The following DAB1 variants were observed in gnomAD, a reference collection of about 807,000 sequenced individuals.
The protein encoded by DAB1 is disabled homolog 1.
DAB1 carries 15 observed loss-of-function variants against 64.6 expected under a neutral mutation model. The ratio of observed to expected loss-of-function variants is 0.23; its 90% CI spans 0.16 to 0.36. The LOEUF is 0.36. Ranked by LOEUF, DAB1 falls within the 10% of genes least tolerant of loss-of-function variation. The probability of loss-of-function intolerance (pLI) is 1.00; values close to 1 mark genes in which losing one functional copy is unlikely to be tolerated. For missense variants in DAB1, 596 were observed against 706.7 expected (o/e 0.84, Z 1.78); for synonymous variants, 235 against 251.9 (o/e 0.93, Z 0.64).
intron 3 of DAB1, among the ~76,000 whole-genome samples, chr1:58,455,820 CCTT>C: frequency 6.6e-6 from 1 of 152,232 alleles, no homozygotes; most frequent in East Asian, 1.9e-4. Flanking sequence ...AGTGGTGTCT[CCTT>C]CTTTCCTTCC....
intron 4 of DAB1, among the ~76,000 whole-genome samples, chr1:58,313,940 A>G (rs1266890730): frequency 6.6e-6 from 1 of 152,024 alleles, no homozygotes; most frequent in East Asian, 1.9e-4. Flanking sequence ...GAATCATCAC[A>G]TTGGAGATTA....
In DAB1 at chr1:57,546,907, G is replaced by A. The variant is rs558780950; in HGVS notation, n.625+102685C>T. On this transcript the variant is annotated intron_variant and non_coding_transcript_variant, in intron 7 of 20. Coordinates refer to the DAB1 transcript ENST00000485760. Reference sequence around the variant, plus strand: ...TACAGAATGTAAGGATGTTAATAGTGATGGGAGATTATGGGTAATTAAAAT... The same window carrying A: ...TACAGAATGTAAGGATGTTAATAGTAATGGGAGATTATGGGTAATTAAAAT... Among the ~76,000 whole-genome samples the A allele has an allele frequency of 3.9e-5, 6 of 152,254 alleles. No homozygotes were observed. In the South Asian group the frequency reaches 1.0e-3, roughly 26 times the overall value.
intron 12 of DAB1, 74 bp from the exon 13 acceptor site, chr1:57,011,346 G>A: frequency 6.4e-7 from 1 of 1,552,032 alleles, no homozygotes; most frequent in Non-Finnish European, 8.7e-7. Flanking sequence ...GAAACCTCAG[G>A]AATCTGCTTA....
intron 1 of DAB1, among the ~76,000 whole-genome samples, chr1:57,872,271 G>A (rs1484135986): frequency 2.0e-5 from 3 of 152,128 alleles, no homozygotes; most frequent in Non-Finnish European, 4.4e-5. Context: ...GGGACTTTGG[G>A]ACATAATTAG....
chr1:57,187,750 T>C (rs1451382056), intron 2 of DAB1, among the ~76,000 whole-genome samples: 1 of 151,436 alleles, frequency 6.6e-6, no homozygotes, highest in East Asian at 1.9e-4. Context: ...AAGCTGGGAT[T>C]CTACTCAAAG....
intron 2 of DAB1, among the ~76,000 whole-genome samples, chr1:57,261,196 G>A (rs532514092): frequency 2.6e-5 from 4 of 152,032 alleles, no homozygotes; most frequent in Admixed American, 1.3e-4. Context: ...CCCAACCTCC[G>A]CAAGAAACAC....
chr1:57,617,756 G>A lies in DAB1; in HGVS notation n.625+31836C>T, dbSNP rs116265140. Among the ~76,000 whole-genome samples the A allele has an allele frequency of 1.9e-3, 287 of 152,228 alleles. 2 individuals carry two copies. Among genetic ancestry groups the A allele is most frequent in the African/African-American group, 6.6e-3 (274 of 41,552 alleles). ...ACAGAGAATCAGAGGTACTGAAATCGAAGAAATTTCAAACTCCTTTTCCCA... is the reference window on the plus strand; with the variant it reads ...ACAGAGAATCAGAGGTACTGAAATCAAAGAAATTTCAAACTCCTTTTCCCA... On this transcript the variant is annotated intron_variant and non_coding_transcript_variant, in intron 7 of 20. Transcript: ENST00000485760.
At chr1:57,010,886 A>C (rs1646245738) in intron 13 of DAB1, 96 bp from the exon 14 acceptor site, 4 of 997,674 alleles carry the variant, frequency 4.0e-6, no homozygotes. Flanking sequence ...ACAATCAGTT[A>C]TTGTAAAGGA....
chr1:57,346,622 T>A (rs1214720009), intron 1 of DAB1, among the ~76,000 whole-genome samples: 1 of 152,194 alleles, frequency 6.6e-6, no homozygotes, highest in African/African-American at 2.4e-5. Flanking sequence ...AAGCTCTCCT[T>A]TGACATGGAA....
chr1:58,449,640 C>T (rs1233033185), intron 3 of DAB1, among the ~76,000 whole-genome samples: 1 of 152,140 alleles, frequency 6.6e-6, no homozygotes, highest in Non-Finnish European at 1.5e-5. Flanking sequence ...TCAAACGTGC[C>T]CCCTTGATTT....
At chr1:58,334,223 C>G (rs1663045723) in intron 4 of DAB1, among the ~76,000 whole-genome samples, 1 of 152,102 alleles carries the variant, frequency 6.6e-6, no homozygotes, top group African/African-American at 2.4e-5. Context: ...CCTTCTCACT[C>G]TCACCTCCAC....
intron 5 of DAB1, among the ~76,000 whole-genome samples, chr1:57,979,679 T>C (rs940640273): frequency 6.6e-6 from 1 of 152,242 alleles, no homozygotes; most frequent in African/African-American, 2.4e-5. Flanking sequence ...TGTCTGGCTT[T>C]GAATTGCAGC....
chr1:57,398,759 CT>C (rs1429488767), intron 1 of DAB1, among the ~76,000 whole-genome samples: 1 of 152,270 alleles, frequency 6.6e-6, no homozygotes, highest in East Asian at 1.9e-4. Context: ...ACGGTTGCCA[CT>C]GTCTGAAGGC....
intron 5 of DAB1, among the ~76,000 whole-genome samples, chr1:58,068,671 C>G (rs1649019072): frequency 6.8e-6 from 1 of 147,510 alleles, no homozygotes; most frequent in South Asian, 2.1e-4. Flanking sequence ...GAGGCTGAGG[C>G]AGGATAATGG....
chr1:58,118,565 CATATAT>C (rs58370609), intron 5 of DAB1, among the ~76,000 whole-genome samples: 6 of 93,838 alleles, frequency 6.4e-5, no homozygotes, highest in African/African-American at 2.5e-4. Flanking sequence ...ATATAAAATA[CATATAT>C]ATATATACAT....
At chr1:57,827,798 G>A (rs1410996047) in intron 1 of DAB1, among the ~76,000 whole-genome samples, 1 of 152,160 alleles carries the variant, frequency 6.6e-6, no homozygotes, top group African/African-American at 2.4e-5. Context: ...TGGGATGGGG[G>A]CAGGGAAAGA....
intron 5 of DAB1, chr1:58,048,934 G>A (rs1486030450): frequency 1.4e-5 from 12 of 866,816 alleles, no homozygotes; most frequent in Middle Eastern, 3.3e-4. Flanking sequence ...AATCTCTTAG[G>A]TGATGTTCTT....
chr1:57,151,369 C>A (rs115955747), intron 2 of DAB1, among the ~76,000 whole-genome samples: 2,093 of 152,164 alleles, frequency 0.014, 59 homozygotes, highest in African/African-American at 0.048. Flanking sequence ...ATATAAATAT[C>A]CCTGTACTCA....
At chr1:57,449,725 A>G (rs953355114) in intron 7 of DAB1, among the ~76,000 whole-genome samples, 4 of 152,142 alleles carry the variant, frequency 2.6e-5, no homozygotes, top group East Asian at 1.9e-4. Context: ...TCCCAGGCAG[A>G]TGGTCAATTA....
Sources: gnomAD v4.1 joint callset for allele counts (sites outside exome capture counted in the v4.1 genomes callset) on GRCh38, gnomAD v4.1.1 for gene constraint, MANE v1.5 for transcripts, NCBI Gene and HGNC (gene_info 2026-07-23, HGNC 2026-07-21) for gene names.